The following PTPRM variants were observed in gnomAD, a reference collection of about 807,000 sequenced individuals.
PTPRM encodes protein tyrosine phosphatase receptor type M, also known as receptor-type tyrosine-protein phosphatase mu.
In PTPRM, 47 loss-of-function variants were observed where a neutral mutation model predicts 186.7. The ratio of observed to expected loss-of-function variants is 0.25; its 90% CI spans 0.20 to 0.32. The LOEUF is 0.32. Among genes scored for constraint, PTPRM ranks in the 10% least tolerant of loss-of-function variants. PTPRM has a pLI of 1.00. For synonymous variants in PTPRM, 668 were observed against 674.9 expected (o/e 0.99, Z 0.16); for missense variants, 1,494 against 1,865.0 (o/e 0.80, Z 3.66).
chr18:8,369,601 T>C (rs1423767526), intron 23 of PTPRM, among the ~76,000 whole-genome samples: 1 of 151,952 alleles, frequency 6.6e-6, no homozygotes, highest in African/African-American at 2.4e-5. Context: ...CTTTTAGACT[T>C]ATGGTCTTTG....
intron 13 of PTPRM, among the ~76,000 whole-genome samples, chr18:8,130,039 C>T (rs2092464714): frequency 6.6e-6 from 1 of 152,170 alleles, no homozygotes; most frequent in Non-Finnish European, 1.5e-5. Flanking sequence ...TAAAAGTTGT[C>T]TTCTAAGATT....
intron 7 of PTPRM, among the ~76,000 whole-genome samples, chr18:7,983,049 A>C (rs1414085871): frequency 6.6e-6 from 1 of 151,970 alleles, no homozygotes; most frequent in Non-Finnish European, 1.5e-5. Context: ...ACTTTCTCAG[A>C]AATGCCTTTT....
intron 22 of PTPRM, among the ~76,000 whole-genome samples, chr18:8,327,637 T>C (rs1367773201): frequency 6.6e-6 from 1 of 152,242 alleles, no homozygotes; most frequent in Non-Finnish European, 1.5e-5. Flanking sequence ...GGATGGCTCA[T>C]GTTGGCCCGG....
At chr18:7,746,317 T>G (rs2040984621) in intron 1 of PTPRM, among the ~76,000 whole-genome samples, 1 of 152,110 alleles carries the variant, frequency 6.6e-6, no homozygotes, top group Admixed American at 6.5e-5. Flanking sequence ...AACAATGGAA[T>G]CCAGAAGACA....
At chr18:7,646,851 G>A (rs895570186) in intron 1 of PTPRM, among the ~76,000 whole-genome samples, 21 of 152,012 alleles carry the variant, frequency 1.4e-4, no homozygotes. Flanking sequence ...TGAGTGGCTT[G>A]TGTTCACATC....
intron 2 of PTPRM, among the ~76,000 whole-genome samples, chr18:7,852,188 G>A (rs911906473): frequency 6.6e-6 from 1 of 152,114 alleles, no homozygotes; most frequent in African/African-American, 2.4e-5. Context: ...TTATTTCAAA[G>A]GCAAAGATTG....
At chr18:8,347,544 C>A (rs1334834799) in intron 23 of PTPRM, among the ~76,000 whole-genome samples, 1 of 152,182 alleles carries the variant, frequency 6.6e-6, no homozygotes, top group African/African-American at 2.4e-5. Context: ...TTCAGAGCGA[C>A]CTGGGTTTAG....
At chr18:8,396,842 CTT>C (rs928641009) in intron 32 of PTPRM, among the ~76,000 whole-genome samples, 2 of 152,256 alleles carry the variant, frequency 1.3e-5, no homozygotes, top group African/African-American at 4.8e-5. Flanking sequence ...TCACCATCCT[CTT>C]TTCAGTGGGT....
chr18:7,613,481 T>G (rs1376707068), intron 1 of PTPRM, among the ~76,000 whole-genome samples: 1 of 152,142 alleles, frequency 6.6e-6, no homozygotes, highest in Non-Finnish European at 1.5e-5. Flanking sequence ...AAGACCATCC[T>G]GGCCAAAATG....
At chr18:7,579,444 A>G (rs1253904267) in intron 1 of PTPRM, among the ~76,000 whole-genome samples, 1 of 152,258 alleles carries the variant, frequency 6.6e-6, no homozygotes, top group East Asian at 1.9e-4. Flanking sequence ...TCTGAGGATT[A>G]CTATTAATAC....
chr18:8,347,542 G>A (rs148486900), intron 23 of PTPRM, among the ~76,000 whole-genome samples: 50 of 152,342 alleles, frequency 3.3e-4, no homozygotes, highest in African/African-American at 1.1e-3. Context: ...CATTCAGAGC[G>A]ACCTGGGTTT....
At chr18:8,348,021 C>G (rs893514211) in intron 23 of PTPRM, among the ~76,000 whole-genome samples, 1 of 152,200 alleles carries the variant, frequency 6.6e-6, no homozygotes, top group African/African-American at 2.4e-5. Flanking sequence ...CAGGCTGTTT[C>G]CCATTGTTAA....
intron 2 of PTPRM, among the ~76,000 whole-genome samples, chr18:7,861,698 A>G (rs1004883038): frequency 1.3e-5 from 2 of 152,044 alleles, no homozygotes; most frequent in Admixed American, 6.6e-5. Context: ...CCTTTTACTC[A>G]AAATCTTGTG....
chr18:7,871,220 C>A (rs1380725359), intron 2 of PTPRM, among the ~76,000 whole-genome samples: 5 of 152,264 alleles, frequency 3.3e-5, no homozygotes, highest in African/African-American at 1.2e-4. Context: ...AAAGTTTGGA[C>A]AATGAATGAA....
At chr18:8,125,120 G>T (rs936063027) in intron 13 of PTPRM, among the ~76,000 whole-genome samples, 2 of 151,412 alleles carry the variant, frequency 1.3e-5, no homozygotes, top group African/African-American at 4.9e-5. Flanking sequence ...TGAGGCAGGA[G>T]AATTGCTTGA....
intron 1 of PTPRM, among the ~76,000 whole-genome samples, chr18:7,623,201 C>A (rs1480361428): frequency 1.3e-5 from 2 of 152,018 alleles, no homozygotes; most frequent in African/African-American, 4.8e-5. Context: ...AACGATTTTG[C>A]TTTTAGTGTA....
chr18:8,113,400 G>C lies in PTPRM; in HGVS notation c.1857-86G>C, dbSNP rs184195786. The C allele has an allele frequency of 8.1e-6, 10 of 1,227,596 alleles. No individual in the cohort carries two copies. In the African/African-American group the frequency reaches 1.5e-4, roughly 18 times the overall value. 76.0% of individuals were successfully genotyped at this position (1,227,596 alleles called of 1,614,324 possible). ...GCGTCCAGTGTGTTCTTTATTTTGCGTGTCCTGTGGGTCCATGCAGTTGAA... is the reference window on the plus strand; with the variant it reads ...GCGTCCAGTGTGTTCTTTATTTTGCCTGTCCTGTGGGTCCATGCAGTTGAA... On this transcript the variant is annotated intron_variant, in intron 11 of 32. Transcript: ENST00000580170.
chr18:7,877,125 A>T (rs935517398), intron 2 of PTPRM, among the ~76,000 whole-genome samples: 2 of 152,212 alleles, frequency 1.3e-5, no homozygotes, highest in Non-Finnish European at 2.9e-5. Context: ...AATTGGTTTT[A>T]TAAGTATAAT....
intron 1 of PTPRM, among the ~76,000 whole-genome samples, chr18:7,666,077 CA>C (rs2039088581): frequency 6.6e-6 from 1 of 152,090 alleles, no homozygotes; most frequent in Admixed American, 6.6e-5. Context: ...ATTTTAAAGA[CA>C]TATCGTTAGA....
Sources: allele counts gnomAD v4.1 joint callset (sites outside exome capture counted in the v4.1 genomes callset), GRCh38; gene constraint gnomAD v4.1.1; transcripts MANE v1.5; gene names NCBI Gene and HGNC (gene_info 2026-07-23, HGNC 2026-07-21).